The following ZNF592 variants were observed in gnomAD, a reference collection of about 807,000 sequenced individuals.
ZNF592 encodes the protein zinc finger protein 592, also known as spinocerebellar ataxia, autosomal recessive 5.
A neutral mutation model predicts 80.3 loss-of-function variants in ZNF592; 11 were observed. The observed-to-expected ratio is 0.14, with a 90% CI of 0.09 to 0.23. The LOEUF is 0.23. Among genes scored for constraint, ZNF592 ranks in the 10% least tolerant of loss-of-function variants. The pLI, the probability that ZNF592 is intolerant of heterozygous loss-of-function variation, is 1.00. For missense variants in ZNF592, 1,420 were observed against 1,633.9 expected (o/e 0.87, Z 2.26); for synonymous variants, 646 against 640.3 (o/e 1.01, Z -0.13).
At chr15:84,768,055 ATTTTAATTTTT>A (rs1899581205) in intron 2 of ZNF592, among the ~76,000 whole-genome samples, 1 of 97,732 alleles carries the variant, frequency 1.0e-5, no homozygotes, top group Non-Finnish European at 2.9e-5. Flanking sequence ...TTTAATTTTA[ATTTTAATTTTT>A]TTTTTTTGTA....
chr15:84,786,594 TA>T (rs1454238744), intron 4 of ZNF592, among the ~76,000 whole-genome samples: 1 of 152,140 alleles, frequency 6.6e-6, no homozygotes, highest in Non-Finnish European at 1.5e-5. Context: ...CAGAAGGTGC[TA>T]TAGGATCCCA....
At chr15:84,773,753 A>T (rs756548464) in intron 2 of ZNF592, among the ~76,000 whole-genome samples, 1 of 151,954 alleles carries the variant, frequency 6.6e-6, no homozygotes, top group African/African-American at 2.4e-5. Context: ...AAAAAAAAAA[A>T]TAGAGCTCTA....
rs146225763 is a variant in ZNF592, at chr15:84,785,026, G to A, written c.2220+131G>A. On this transcript the variant is annotated intron_variant, in intron 4 of 10. Coordinates refer to ENST00000560079, the MANE Select transcript of ZNF592 (RefSeq NM_014630.3). ...TTATGAGTCTTAGAAGAGGATGTCT[G>A]CCTGAATATTTAGTGTTTGGTGTTT... 2.7e-5 allele frequency: 30 copies of A among 1,109,260 alleles called. 1 individual carries two copies. The East Asian group carries it at 7.3e-4, about 27-fold the overall frequency. The allele number at this position is 1,109,260 out of a possible 1,614,324, so 68.7% of individuals were successfully genotyped here. A position where few individuals can be genotyped will look rare whatever the true frequency, so the allele number is the denominator to read the frequency against.
intron 5 of ZNF592, among the ~76,000 whole-genome samples, chr15:84,795,729 AAATT>A (rs1962876038): frequency 6.6e-6 from 1 of 152,220 alleles, no homozygotes; most frequent in African/African-American, 2.4e-5. Flanking sequence ...AGAGAAAGGA[AAATT>A]AAGTAAGTAA....
At chr15:84,758,344 G>A (rs1346316710) in intron 1 of ZNF592, among the ~76,000 whole-genome samples, 1 of 151,460 alleles carries the variant, frequency 6.6e-6, no homozygotes, top group Non-Finnish European at 1.5e-5. Context: ...GTGCAGTGGC[G>A]TGATCATGGC....
At position 84,752,382 on chromosome 15, in the gene ZNF592, G is replaced by C. The variant is rs532747720; in HGVS notation, c.-259+3718G>C. Among the ~76,000 whole-genome samples the C allele has an allele frequency of 2.6e-5, 4 of 152,272 alleles. No individual in the cohort carries two copies. The East Asian group carries it at 5.8e-4, about 22-fold the overall frequency. On this transcript the variant is annotated intron_variant, in intron 1 of 10. Coordinates refer to ENST00000560079, the MANE Select transcript of ZNF592 (RefSeq NM_014630.3). ...TACTTAAGTTCTCTAGCACAGTTGC[G>C]GTTAAAGAGCTATTTGAAACAGTAA... is the stretch of plus-strand genomic sequence containing the variant.
chr15:84,782,398 C>T (rs893867282), intron 3 of ZNF592, among the ~76,000 whole-genome samples: 7 of 152,094 alleles, frequency 4.6e-5, no homozygotes, highest in African/African-American at 1.7e-4. Context: ...AACCAGCCAC[C>T]AATTTCCAGG....
intron 4 of ZNF592, among the ~76,000 whole-genome samples, chr15:84,788,195 T>G (rs148573147): frequency 6.6e-6 from 1 of 152,176 alleles, no homozygotes. Context: ...AAGTGCCTGA[T>G]TGTCTTCACT....
At chr15:84,801,771 T>C (rs1311432454) in intron 10 of ZNF592, 92 bp from the exon 11 acceptor site, 6 of 1,596,396 alleles carry the variant, frequency 3.8e-6, no homozygotes, top group Non-Finnish European at 5.1e-6. Flanking sequence ...GCCTGGGTGG[T>C]GCTTTCTTTG....
intron 4 of ZNF592, among the ~76,000 whole-genome samples, chr15:84,787,078 C>T (rs1434505942): frequency 1.3e-5 from 2 of 152,010 alleles, no homozygotes; most frequent in African/African-American, 2.4e-5. Context: ...TCTTGAACTT[C>T]GGACCTCAAG....
At chr15:84,755,632 T>A (rs1254851015) in intron 1 of ZNF592, among the ~76,000 whole-genome samples, 1 of 152,196 alleles carries the variant, frequency 6.6e-6, no homozygotes, top group Non-Finnish European at 1.5e-5. Context: ...ATTCTTAATA[T>A]TTTCTTCCTA....
chr15:84,799,144 C>CCCCCAACAG lies in ZNF592; in HGVS notation c.3074_3082dup (p.Pro1025_Ser1027dup). ...CGGCAGTGTGAACAGTCCTTCCACA[C>CCCCCAACAG]CCCCAACAGCCTGCGCAAACACATC... is the stretch of plus-strand genomic sequence containing the variant. On this transcript the variant is annotated inframe_insertion, in exon 9 of 11. Transcript: ENST00000560079. This position sits in a 1 kb window ranked among gnomAD's most constrained non-coding sequence, Gnocchi z 4.2. 6.2e-7 allele frequency: 1 copy of CCCCCAACAG among 1,614,164 alleles called. No individual in the cohort carries two copies. The highest frequency in any genetic ancestry group is 8.5e-7 in the Non-Finnish European group (1 of 1,180,024).
rs772521698 is a variant in ZNF592 at position 84,784,066 on chromosome 15, G to C, written c.1391G>C (p.Ser464Thr). The C allele has an allele frequency of 1.2e-6, 2 of 1,613,724 alleles. No individual in the cohort carries two copies. The highest frequency in any genetic ancestry group is 2.7e-5 in the African/African-American group (2 of 74,934). Residue 464 changes from serine (S) to threonine (T), a missense_variant, in exon 4 of 11, where the codon AGT becomes ACT. This residue lies in a region of ZNF592 where 524 missense variants were observed against 628.3 expected (regional missense o/e 0.83). Transcript: ENST00000560079. The surrounding 1 kb of genome is among the most constrained non-coding windows in gnomAD (Gnocchi z 5.8). ...AGTGACTCGTCATCTCCCAGCTGCA[G>C]TTCTGGGCCCCGGGTCCCAAAGGGG... ...KASDSSSPSC[S>T]SGPRVPKGAA...
intron 2 of ZNF592, among the ~76,000 whole-genome samples, chr15:84,766,706 A>T (rs1014735226): frequency 1.4e-5 from 2 of 140,252 alleles, no homozygotes; most frequent in Admixed American, 7.1e-5. Context: ...GATGAGAAAG[A>T]GTGTGTGTGT....
intron 2 of ZNF592, among the ~76,000 whole-genome samples, chr15:84,775,987 A>G (rs919437): frequency 0.84 from 128,435 of 152,292 alleles, 54,612 homozygotes; most frequent in African/African-American, 0.96. Flanking sequence ...TGCCAGTCTT[A>G]GAGTTGTTCT....
Position 84,803,627 on chromosome 15 carries a change from C to G in ZNF592, c.*1234C>G, listed in dbSNP as rs1963162336. The G allele has an allele frequency of 1.3e-5, 2 of 152,204 alleles. No homozygotes were observed. The highest frequency in any genetic ancestry group is 1.3e-4 in the Admixed American group (2 of 15,284). 9.4% of individuals were successfully genotyped at this position (152,204 alleles called of 1,614,324 possible). ...CATCTTTCCTTCAGTTGATTTTCAA[C>G]ATAAGAGAACCCCTTACTGGTAAAA... On this transcript the variant is annotated 3_prime_UTR_variant, in exon 11 of 11. Transcript: ENST00000560079.
At chr15:84,758,084 T>C (rs1185997467) in intron 1 of ZNF592, among the ~76,000 whole-genome samples, 1 of 151,990 alleles carries the variant, frequency 6.6e-6, no homozygotes, top group Non-Finnish European at 1.5e-5. Context: ...GGAATTCTCC[T>C]GCCTCAGCCT....
In ZNF592 at chr15:84,802,387, G is replaced by A; in HGVS notation, c.3798G>A (p.Gln1266=). The A allele has an allele frequency of 1.2e-6, 2 of 1,613,522 alleles. No individual in the cohort carries two copies. Among genetic ancestry groups the A allele is most frequent in the Non-Finnish European group, 1.7e-6 (2 of 1,180,004 alleles). The change falls in exon 11 of 11, where the codon CAG becomes CAA. Residue 1266 remains glutamine, a synonymous_variant. Coordinates refer to ENST00000560079, the MANE Select transcript of ZNF592 (RefSeq NM_014630.3). ...QDQDSHTLSP[Q]V is the part of the protein sequence containing the mutation. ...AGGACAGCCACACACTGTCCCCTCA[G>A]GTGTGACCGGAGACTTTGCAGTGTG...
intron 2 of ZNF592, among the ~76,000 whole-genome samples, chr15:84,770,473 G>A (rs1437781350): frequency 1.2e-4 from 18 of 152,134 alleles, no homozygotes; most frequent in Non-Finnish European, 2.6e-4. Flanking sequence ...TAGGAATTCT[G>A]TGCCCTTGAT....
Sources: allele counts gnomAD v4.1 joint callset (sites outside exome capture counted in the v4.1 genomes callset), GRCh38; gene constraint gnomAD v4.1.1; regional missense constraint gnomAD v4.1.1; non-coding constraint Gnocchi (gnomAD v3.1); transcripts MANE v1.5; gene names NCBI Gene and HGNC (gene_info 2026-07-23, HGNC 2026-07-21).